PROM1: variants seen among roughly 807,000 people sequenced by gnomAD.
PROM1 encodes the protein prominin-1.
PROM1 carries 105 observed loss-of-function variants against 116.9 expected under a neutral mutation model. The ratio of observed to expected loss-of-function variants is 0.90; its 90% CI spans 0.77 to 1.06. The LOEUF is 1.06. Among genes scored for constraint, PROM1 ranks in the 50% least tolerant of loss-of-function variants. PROM1 has a pLI of 0.00. For missense variants in PROM1, 1,122 were observed against 1,045.2 expected (o/e 1.07, Z -1.01); for synonymous variants, 393 against 387.0 (o/e 1.02, Z -0.18).
chr4:16,023,536 C>A (rs767727366), intron 7 of PROM1, 121 bp from the exon 8 acceptor site: 25 of 725,228 alleles, frequency 3.4e-5, no homozygotes, highest in Non-Finnish European at 4.6e-5. Context: ...CATCCTGGAC[C>A]CTGTCTAGGG....
intron 12 of PROM1, 68 bp from the exon 13 acceptor site, chr4:16,006,758 G>C: frequency 6.7e-7 from 1 of 1,502,794 alleles, no homozygotes; most frequent in Non-Finnish European, 9.1e-7. Context: ...AAAGCTGCTG[G>C]ACTAAGGCTG....
At chr4:16,046,952 C>T (rs944783649) in intron 2 of PROM1, among the ~76,000 whole-genome samples, 2 of 152,230 alleles carry the variant, frequency 1.3e-5, no homozygotes, top group African/African-American at 4.8e-5. Context: ...GAATAACTGC[C>T]TGTGTCTGTC....
rs202126945 is a variant in PROM1 at position 16,071,131 on chromosome 4, C to G, written c.220+4556G>C. On this transcript the variant is annotated intron_variant, in intron 2 of 27. Coordinates refer to ENST00000447510, the MANE Select transcript of PROM1 (RefSeq NM_006017.3). ...TGTTTCATTTTGAATTCATTATTAC[C>G]TCCCTCCAGACCACTACAAAAGCCT... Among the ~76,000 whole-genome samples the G allele has an allele frequency of 1.2e-4, 18 of 152,234 alleles. No individual in the cohort carries two copies. The East Asian group carries it at 3.1e-3, about 26-fold the overall frequency.
At chr4:16,013,118 C>T (rs1023112942) in intron 11 of PROM1, among the ~76,000 whole-genome samples, 157 bp downstream of exon 11, 5 of 152,108 alleles carry the variant, frequency 3.3e-5, no homozygotes, top group South Asian at 2.1e-4. Context: ...TTTAACTGTC[C>T]GAATGACACA....
intron 2 of PROM1, among the ~76,000 whole-genome samples, chr4:16,063,393 C>T (rs1394682081): frequency 1.3e-5 from 2 of 152,112 alleles, no homozygotes; most frequent in African/African-American, 4.8e-5. Flanking sequence ...GTCAGGAGTT[C>T]GAGACCAGCC....
intron 1 of PROM1, chr4:16,076,523 A>T (rs1205528927): frequency 6.6e-6 from 1 of 152,658 alleles, no homozygotes; most frequent in Non-Finnish European, 1.5e-5. Flanking sequence ...AAACTGACAC[A>T]GAGAGGATTC....
At position 16,080,164 on chromosome 4, in the gene PROM1, C is replaced by A. The variant is rs188279668; in HGVS notation, c.-213+3814G>T. On this transcript the variant is annotated intron_variant, in intron 1 of 27. Transcript: ENST00000447510. ...CCATAATCATACCACTGCACTCCAGCCTGGGCGACCTTACATGATTTTGAG... is the reference window on the plus strand; with the variant it reads ...CCATAATCATACCACTGCACTCCAGACTGGGCGACCTTACATGATTTTGAG... Among the ~76,000 whole-genome samples the A allele has an allele frequency of 2.0e-5, 3 of 152,012 alleles. No individual in the cohort carries two copies. In the East Asian group the frequency reaches 5.8e-4, roughly 29 times the overall value.
intron 13 of PROM1, among the ~76,000 whole-genome samples, chr4:16,001,193 G>A (rs969205630): frequency 6.6e-6 from 1 of 152,134 alleles, no homozygotes; most frequent in Non-Finnish European, 1.5e-5. Flanking sequence ...ATAGGAGGCA[G>A]CAGGACTCGG....
At chr4:16,015,643 T>C (rs776350008) in intron 10 of PROM1, among the ~76,000 whole-genome samples, 33 of 151,646 alleles carry the variant, frequency 2.2e-4, no homozygotes, top group Non-Finnish European at 4.6e-4. Flanking sequence ...TGAGCCGAGA[T>C]CGTACCACTG....
chr4:15,985,827 T>A lies in PROM1; in HGVS notation c.2213A>T (p.Glu738Val). 9.3e-7 allele frequency: 1 copy of A among 1,072,356 alleles called. No homozygotes were observed. 66.4% of individuals were successfully genotyped at this position (1,072,356 alleles called of 1,614,324 possible). ...TNNTSSVIIEETKKYGRTIIG... is the reference protein window; with the variant it reads ...TNNTSSVIIEVTKKYGRTIIG... ...TATTGTTCTCCCATACTTCTTAGTT[T>A]CCTGGAAAGAAACAAAAGATGAGTA... The change falls in exon 22 of 28, where the codon GAA (glutamate) becomes GTA (valine). Residue 738 changes from glutamate (E) to valine (V), a missense_variant and splice_region_variant. Physicochemically the swap from Glu to Val is moderately radical, Grantham distance 121 (BLOSUM62 -2). Coordinates refer to ENST00000447510, the MANE Select transcript of PROM1 (RefSeq NM_006017.3).
Position 16,024,844 on chromosome 4 carries a change from G to A in PROM1, c.630+348C>T, listed in dbSNP as rs574035271. Among the ~76,000 whole-genome samples the A allele has an allele frequency of 4.6e-5, 7 of 152,122 alleles. No individual in the cohort carries two copies. In the South Asian group the frequency reaches 1.5e-3, roughly 32 times the overall value. ...ACAAGAGTAACTTTGTACAAGTGAT[G>A]GAAAGTTAACTATACTGCCAAAAAG... On this transcript the variant is annotated intron_variant, in intron 6 of 27. Coordinates refer to ENST00000447510, the MANE Select transcript of PROM1 (RefSeq NM_006017.3).
intron 15 of PROM1, among the ~76,000 whole-genome samples, chr4:15,996,408 G>T (rs1441624485): frequency 6.6e-6 from 1 of 152,102 alleles, no homozygotes. Flanking sequence ...TACTCAGGAG[G>T]CTGAGGCAGG....
intron 26 of PROM1, among the ~76,000 whole-genome samples, chr4:15,972,204 A>G (rs922893775): frequency 1.3e-5 from 2 of 152,190 alleles, no homozygotes; most frequent in Admixed American, 6.5e-5. Context: ...AACTCTGGAG[A>G]CCTCAGAAGC....
chr4:16,063,814 T>C (rs1276203438), intron 2 of PROM1, among the ~76,000 whole-genome samples: 1 of 152,208 alleles, frequency 6.6e-6, no homozygotes, highest in Non-Finnish European at 1.5e-5. Flanking sequence ...TGGAGACACA[T>C]TCTGAAATAC....
At chr4:16,063,632 A>G (rs548919833) in intron 2 of PROM1, among the ~76,000 whole-genome samples, 3 of 152,214 alleles carry the variant, frequency 2.0e-5, no homozygotes, top group Admixed American at 6.5e-5. Flanking sequence ...GTAAGGAGAT[A>G]TATCAACCAA....
rs749784081 is a variant in PROM1 at position 16,013,282 on chromosome 4, G to A, written c.1134C>T (p.Val378=). 5 of 1,605,792 alleles carry A rather than the reference G, an allele frequency of 3.1e-6. No homozygotes were observed. Among genetic ancestry groups the A allele is most frequent in the Admixed American group, 3.3e-5 (2 of 59,974 alleles). The stretch of plus-strand genomic sequence containing the variant: ...TCAAACTGTGAATCTCACCTGCTAC[G>A]ACAGTCGTGGTTTGGCGTTGTACTC... ...PDRVQRQTTT[V]VAGIKRVLNS... The change falls in exon 11 of 28, where the codon GTC becomes GTT. Residue 378 remains valine, a synonymous_variant. Transcript: ENST00000447510.
intron 15 of PROM1, among the ~76,000 whole-genome samples, chr4:15,995,995 A>G (rs1722232205): frequency 6.6e-6 from 1 of 152,228 alleles, no homozygotes; most frequent in Non-Finnish European, 1.5e-5. Flanking sequence ...AGCAGTTGTT[A>G]GTATGGTACT....
At position 15,980,194 on chromosome 4, in the gene PROM1, A is replaced by G. The variant is rs1461845303; in HGVS notation, c.2489+228T>C. ...CAAACAAGAAATAAAAAGGCTGGTT[A>G]GGGAAGCTGAGAGGATTAAGCAAGA... is the stretch of plus-strand genomic sequence containing the variant. On this transcript the variant is annotated intron_variant, in intron 24 of 27. Coordinates refer to ENST00000447510, the MANE Select transcript of PROM1 (RefSeq NM_006017.3). The G allele has an allele frequency of 4.8e-6, 3 of 621,820 alleles. No individual in the cohort carries two copies. In the African/African-American group the frequency reaches 5.7e-5, roughly 12 times the overall value. The allele number at this position is 621,820 out of a possible 1,614,324, so 38.5% of individuals were successfully genotyped here. A position where few individuals can be genotyped will look rare whatever the true frequency, so the allele number is the denominator to read the frequency against.
At chr4:16,020,069 G>C (rs1267615893) in intron 8 of PROM1, among the ~76,000 whole-genome samples, 1 of 152,156 alleles carries the variant, frequency 6.6e-6, no homozygotes, top group African/African-American at 2.4e-5. Flanking sequence ...AGAAGAGTCT[G>C]ATTCCAGGTT....
Sources: gnomAD v4.1 joint callset for allele counts (sites outside exome capture counted in the v4.1 genomes callset) on GRCh38, gnomAD v4.1.1 for gene constraint, MANE v1.5 for transcripts, NCBI Gene and HGNC (gene_info 2026-07-23, HGNC 2026-07-21) for gene names.